The following AACS variants were observed in gnomAD, a reference collection of about 807,000 sequenced individuals.
AACS encodes the protein acetoacetate-CoA ligase.
AACS carries 69 observed loss-of-function variants against 83.1 expected under a neutral mutation model. The observed-to-expected ratio is 0.83, with a 90% CI of 0.68 to 1.01. The LOEUF is 1.01. AACS is among the 50% of genes least tolerant of loss of function. The probability of loss-of-function intolerance (pLI) is 0.00; values close to 1 mark genes in which losing one functional copy is unlikely to be tolerated. For synonymous variants in AACS, 333 were observed against 343.4 expected (o/e 0.97, Z 0.33); for missense variants, 866 against 882.2 (o/e 0.98, Z 0.23).
rs1454868592 is a variant in AACS, at chr12:125,094,503, G to A, written c.570+2980G>A. Among the ~76,000 whole-genome samples, 1 of 152,194 alleles carries A rather than the reference G, an allele frequency of 6.6e-6. No individual in the cohort carries two copies. The highest frequency in any genetic ancestry group is 2.4e-5 in the African/African-American group (1 of 41,436). ...AGAGCTCCTCGGCTGGCTGTGCTGG[G>A]TGCTGAAGGGACCCTCTCTGCTGCA... On this transcript the variant is annotated intron_variant, in intron 5 of 17. Coordinates refer to ENST00000316519, the MANE Select transcript of AACS (RefSeq NM_023928.5). The surrounding 1 kb of genome is among the most constrained non-coding windows in gnomAD (Gnocchi z 4.1).
rs1228425126 is a variant in AACS at position 125,094,248 on chromosome 12, T to C, written c.570+2725T>C. ...AATTTCCATCATCACCATGTTAAAC[T>C]TCAGACTGTGCCCCATTTTCAGTAA... On this transcript the variant is annotated intron_variant, in intron 5 of 17. Transcript: ENST00000316519. The surrounding 1 kb of genome is among the most constrained non-coding windows in gnomAD (Gnocchi z 4.1). Among the ~76,000 whole-genome samples, 1 of 152,230 alleles carries C rather than the reference T, an allele frequency of 6.6e-6. No homozygotes were observed. The highest frequency in any genetic ancestry group is 1.9e-4 in the East Asian group (1 of 5,206).
At chr12:125,082,035 C>T (rs1030477239) in intron 3 of AACS, among the ~76,000 whole-genome samples, 1 of 151,910 alleles carries the variant, frequency 6.6e-6, no homozygotes, top group Non-Finnish European at 1.5e-5. Context: ...GCCAGCATGC[C>T]CAGCTAATTT....
At chr12:125,093,324 CA>C (rs551648920) in intron 5 of AACS, among the ~76,000 whole-genome samples, 10 of 152,260 alleles carry the variant, frequency 6.6e-5, no homozygotes, top group African/African-American at 1.9e-4. Flanking sequence ...TGTCTGAGGC[CA>C]GGGGGTGGAG....
rs374319332 is a variant in AACS at position 125,129,433 on chromosome 12, A to G, written c.1522A>G (p.Arg508Gly). Residue 508 changes from arginine (R) to glycine (G), a missense_variant, in exon 14 of 18, where the codon AGG becomes GGG. Arg to Gly is a moderately radical substitution (Grantham distance 125). Coordinates refer to ENST00000316519, the MANE Select transcript of AACS (RefSeq NM_023928.5). The surrounding 1 kb of genome is among the most constrained non-coding windows in gnomAD (Gnocchi z 4.3). ...GAACGATGAGAACGGCAACAAGTAC[A>G]GGAAGGCGTATTTCTCCAAATTCCC... Reference protein sequence around the residue: ...FWNDENGNKYRKAYFSKFPGI... With the variant: ...FWNDENGNKYGKAYFSKFPGI... 32 of 1,613,824 alleles carry G rather than the reference A, an allele frequency of 2.0e-5. No homozygotes were observed. Among genetic ancestry groups the G allele is most frequent in the Non-Finnish European group, 2.5e-5 (30 of 1,179,950 alleles).
rs1334661147 is a variant in AACS at position 125,091,479 on chromosome 12, A to G, written c.526A>G (p.Ile176Val). 2.5e-6 allele frequency: 4 copies of G among 1,614,242 alleles called. No individual in the cohort carries two copies. In the Admixed American group the frequency reaches 5.0e-5, roughly 20 times the overall value. Residue 176 changes from isoleucine (I) to valine (V), a missense_variant, in exon 5 of 18, where the codon ATT becomes GTT. By Grantham distance (29) the Ile-to-Val change is conservative. Coordinates refer to ENST00000316519, the MANE Select transcript of AACS (RefSeq NM_023928.5). ...AVEAMLAAASIGAIWSSTSPD... is the reference protein window; with the variant it reads ...AVEAMLAAASVGAIWSSTSPD... ...CGAGGCGATGCTGGCTGCGGCAAGCATTGGTGCCATCTGGAGCTCCACGTC... is the reference window on the plus strand; with the variant it reads ...CGAGGCGATGCTGGCTGCGGCAAGCGTTGGTGCCATCTGGAGCTCCACGTC...
intron 4 of AACS, among the ~76,000 whole-genome samples, chr12:125,087,332 A>G (rs1956361720): frequency 6.6e-6 from 1 of 152,232 alleles, no homozygotes; most frequent in South Asian, 2.1e-4. Flanking sequence ...AGGATTTCCC[A>G]CGAAGAACTG....
At chr12:125,073,835 G>T (rs779784896) in intron 1 of AACS, 41 bp from the exon 2 acceptor site, 1 of 1,550,554 alleles carries the variant, frequency 6.4e-7, no homozygotes, top group African/African-American at 1.4e-5. Context: ...GGATTGCCAA[G>T]ATTTCCCTTC....
Position 125,107,101 on chromosome 12 carries a change from C to G in AACS, c.768-20C>G. 1.9e-6 allele frequency: 3 copies of G among 1,613,966 alleles called. No individual in the cohort carries two copies. Among genetic ancestry groups the G allele is most frequent in the Non-Finnish European group, 2.5e-6 (3 of 1,180,008 alleles). On this transcript the variant is annotated intron_variant, in intron 7 of 17. Transcript: ENST00000316519. ...ATTCTGGGACGTTCATGGCGTGTTT[C>G]CCTGCGTTTCGGCCCACAGTGTGTT...
chr12:125,091,882 T>C (rs781356357), intron 5 of AACS, among the ~76,000 whole-genome samples: 1 of 152,218 alleles, frequency 6.6e-6, no homozygotes, highest in Non-Finnish European at 1.5e-5. Flanking sequence ...GTTCTCTAGA[T>C]TTTTGTTCTC....
chr12:125,138,766 T>TC (rs1957435415), intron 17 of AACS: 3 of 152,196 alleles, frequency 2.0e-5, no homozygotes, highest in Admixed American at 6.5e-5. Flanking sequence ...GGAGGGTTCT[T>TC]CCAGATTTTT....
At chr12:125,072,128 A>AGCCACCGC (rs1955882968) in intron 1 of AACS, among the ~76,000 whole-genome samples, 1 of 147,340 alleles carries the variant, frequency 6.8e-6, no homozygotes, top group Admixed American at 6.8e-5. Context: ...AAGGGTTGGG[A>AGCCACCGC]TTACAGGCGT....
At chr12:125,074,666 T>G (rs983243891) in intron 2 of AACS, among the ~76,000 whole-genome samples, 6 of 145,570 alleles carry the variant, frequency 4.1e-5, no homozygotes, top group Non-Finnish European at 7.6e-5. Flanking sequence ...TGTAGTTTTT[T>G]TTTTTTTTTT....
intron 3 of AACS, chr12:125,078,302 T>C: frequency 2.2e-6 from 1 of 456,162 alleles, no homozygotes; most frequent in Non-Finnish European, 4.4e-6. Flanking sequence ...TCAAAGCCCA[T>C]GGGCACTTCT....
intron 12 of AACS, chr12:125,126,596 T>TA (rs1430617264): frequency 6.6e-6 from 1 of 151,896 alleles, no homozygotes; most frequent in Non-Finnish European, 1.5e-5. Flanking sequence ...TTTTTTTTTT[T>TA]AAAGACAGGG....
chr12:125,118,787 T>G, intron 10 of AACS, 22 bp downstream of exon 10: 1 of 1,613,232 alleles, frequency 6.2e-7, no homozygotes, highest in African/African-American at 1.3e-5. Flanking sequence ...GATGCTGTGC[T>G]CAAAGCAAGG....
chr12:125,082,881 C>T (rs1206662320), intron 3 of AACS, among the ~76,000 whole-genome samples: 3 of 152,060 alleles, frequency 2.0e-5, no homozygotes, highest in Non-Finnish European at 2.9e-5. Context: ...AACTGAAAAG[C>T]GATGATCAAT....
chr12:125,085,208 G>A (rs959266666), intron 3 of AACS, among the ~76,000 whole-genome samples: 55 of 152,234 alleles, frequency 3.6e-4, no homozygotes, highest in Non-Finnish European at 2.8e-4. Flanking sequence ...AACCTCGCAC[G>A]TGCATGTTTC....
At position 125,065,438 on chromosome 12, in the gene AACS, C is replaced by A; in HGVS notation, c.-147C>A. The A allele has an allele frequency of 1.2e-6, 1 of 853,496 alleles. No homozygotes were observed. The highest frequency in any genetic ancestry group is 1.6e-6 in the Non-Finnish European group (1 of 614,014). 52.9% of individuals were successfully genotyped at this position (853,496 alleles called of 1,614,324 possible). On this transcript the variant is annotated 5_prime_UTR_variant, in exon 1 of 18. Transcript: ENST00000316519. ...CAGGAGGCGGCGGCGGCCGTTCAGT[C>A]CCTTGTTCCCCGCCGCCGCCGTCGC...
intron 4 of AACS, among the ~76,000 whole-genome samples, chr12:125,090,098 A>G (rs1275560113): frequency 6.8e-6 from 1 of 147,918 alleles, no homozygotes. Flanking sequence ...TCCACCCATT[A>G]TCTACCCATT....
Sources: allele counts gnomAD v4.1 joint callset (sites outside exome capture counted in the v4.1 genomes callset), GRCh38; gene constraint gnomAD v4.1.1; non-coding constraint Gnocchi (gnomAD v3.1); transcripts MANE v1.5; gene names NCBI Gene and HGNC (gene_info 2026-07-23, HGNC 2026-07-21).